RPSA2: variants seen among roughly 807,000 people sequenced by gnomAD.
RPSA2 encodes the protein ribosomal protein SA 2.
the RPSA2 span, among the ~76,000 whole-genome samples, chr19:23,760,458 CCTT>C: frequency 6.6e-6 from 1 of 151,886 alleles, no homozygotes; most frequent in Non-Finnish European, 1.5e-5. Flanking sequence ...ATGTTGACCT[CCTT>C]CTGCTGTCTT....
chr19:23,784,445 C>T, the RPSA2 span, among the ~76,000 whole-genome samples: 1 of 152,210 alleles, frequency 6.6e-6, no homozygotes, highest in Non-Finnish European at 1.5e-5. Flanking sequence ...GAGATGGTGA[C>T]TCATTTCTAA....
At chr19:23,847,910 G>C in the RPSA2 span, among the ~76,000 whole-genome samples, 1 of 152,238 alleles carries the variant, frequency 6.6e-6, no homozygotes, top group East Asian at 1.9e-4. Context: ...CCATTTATAG[G>C]CTCTCTGCAA....
chr19:23,763,711 C>G, the RPSA2 span, among the ~76,000 whole-genome samples: 3 of 152,242 alleles, frequency 2.0e-5, no homozygotes, highest in South Asian at 6.2e-4. Flanking sequence ...AAGTGATCCG[C>G]CAGCCTTGGC....
At chr19:23,768,270 G>GA in the RPSA2 span, among the ~76,000 whole-genome samples, 150 of 152,076 alleles carry the variant, frequency 9.9e-4, no homozygotes, top group African/African-American at 3.2e-3. Context: ...AGAGAAATAG[G>GA]AAAAATCTTT....
the RPSA2 span, among the ~76,000 whole-genome samples, chr19:23,776,834 C>G: frequency 6.6e-6 from 1 of 152,236 alleles, no homozygotes; most frequent in Non-Finnish European, 1.5e-5. Flanking sequence ...AGCCTGGACC[C>G]TGCCCACAGG....
At chr19:23,854,754 G>A in the RPSA2 span, among the ~76,000 whole-genome samples, 3 of 152,198 alleles carry the variant, frequency 2.0e-5, no homozygotes, top group African/African-American at 7.2e-5. Flanking sequence ...CAGGCTCCAA[G>A]AAAAGAATCA....
the RPSA2 span, among the ~76,000 whole-genome samples, chr19:23,766,744 G>A: frequency 1.5e-5 from 2 of 136,206 alleles, no homozygotes; most frequent in African/African-American, 5.5e-5. Context: ...CTGAGCCACC[G>A]TGCCGGGCCA....
the RPSA2 span, chr19:23,832,826 C>T: frequency 6.3e-7 from 1 of 1,578,230 alleles, no homozygotes; most frequent in Non-Finnish European, 8.6e-7. Context: ...TGTGGCAAAG[C>T]TTTCAGCCAG....
the RPSA2 span, among the ~76,000 whole-genome samples, chr19:23,861,528 C>T: frequency 3.3e-5 from 5 of 152,264 alleles, no homozygotes; most frequent in East Asian, 9.7e-4. Flanking sequence ...TTAAAAATTT[C>T]ATCCTTGGCA....
At chr19:23,867,550 G>C in the RPSA2 span, among the ~76,000 whole-genome samples, 2 of 152,316 alleles carry the variant, frequency 1.3e-5, no homozygotes, top group South Asian at 4.1e-4. Flanking sequence ...AAAGACTGGG[G>C]CCGGGTGCGG....
the RPSA2 span, among the ~76,000 whole-genome samples, chr19:23,861,961 G>T: frequency 2.6e-5 from 4 of 152,092 alleles, no homozygotes; most frequent in African/African-American, 7.2e-5. Context: ...TCTGGCAGGG[G>T]TAAGAAGCAC....
At chr19:23,775,713 C>G in the RPSA2 span, among the ~76,000 whole-genome samples, 1 of 152,288 alleles carries the variant, frequency 6.6e-6, no homozygotes, top group African/African-American at 2.4e-5. Flanking sequence ...TGGTGACTTT[C>G]AGACCAAGAT....
the RPSA2 span, among the ~76,000 whole-genome samples, chr19:23,853,345 G>A: frequency 7.5e-4 from 110 of 146,140 alleles, no homozygotes; most frequent in East Asian, 4.5e-3. Context: ...GTTACCATCC[G>A]CCACTTGCCT....
the RPSA2 span, among the ~76,000 whole-genome samples, chr19:23,860,230 A>G: frequency 6.6e-6 from 1 of 152,120 alleles, no homozygotes; most frequent in Admixed American, 6.6e-5. Context: ...CATGTTTCCA[A>G]CATCTCTTAT....
the RPSA2 span, among the ~76,000 whole-genome samples, chr19:23,808,302 C>G: frequency 9.2e-6 from 1 of 108,408 alleles, no homozygotes; most frequent in Non-Finnish European, 1.7e-5. Context: ...TGGAGTCTTG[C>G]TCTGTCACCC....
At chr19:23,806,748 G>A in the RPSA2 span, among the ~76,000 whole-genome samples, 323 of 131,906 alleles carry the variant, frequency 2.4e-3, no homozygotes, top group African/African-American at 8.9e-3. Flanking sequence ...TCGCACCATT[G>A]CACTCCAACC....
At chr19:23,867,829 C>CAAAA in the RPSA2 span, among the ~76,000 whole-genome samples, 1 of 121,376 alleles carries the variant, frequency 8.2e-6, no homozygotes, top group African/African-American at 3.1e-5. Flanking sequence ...GACTCCGTCT[C>CAAAA]AAAAAAAAAA....
chr19:23,841,685 C>T, the RPSA2 span, among the ~76,000 whole-genome samples: 1 of 152,166 alleles, frequency 6.6e-6, no homozygotes, highest in Non-Finnish European at 1.5e-5. Flanking sequence ...ATTCTCTAGG[C>T]ATAAGCCTGG....
the RPSA2 span, among the ~76,000 whole-genome samples, chr19:23,861,960 G>A: frequency 6.6e-6 from 1 of 151,992 alleles, no homozygotes; most frequent in Non-Finnish European, 1.5e-5. Context: ...GTCTGGCAGG[G>A]GTAAGAAGCA....
Sources: allele counts gnomAD v4.1 joint callset (sites outside exome capture counted in the v4.1 genomes callset), GRCh38; gene constraint gnomAD v4.1.1; transcripts MANE v1.5; gene names NCBI Gene and HGNC (gene_info 2026-07-23, HGNC 2026-07-21).